The following MYO16 variants were observed in gnomAD, a reference collection of about 807,000 sequenced individuals.
MYO16 encodes the protein unconventional myosin-XVI.
Under a neutral mutation model 205.3 loss-of-function variants are expected in MYO16, and 94 were observed. The ratio of observed to expected loss-of-function variants is 0.46; its 90% CI spans 0.39 to 0.54. The LOEUF is 0.54. Among genes scored for constraint, MYO16 ranks in the 20% least tolerant of loss-of-function variants. The pLI is 0.00. For missense variants in MYO16, 2,315 were observed against 2,387.5 expected (o/e 0.97, Z 0.63); for synonymous variants, 988 against 954.0 (o/e 1.04, Z -0.66).
the MYO16 span, among the ~76,000 whole-genome samples, chr13:108,577,985 C>T: frequency 1.3e-5 from 2 of 152,042 alleles, no homozygotes; most frequent in Non-Finnish European, 1.5e-5. Flanking sequence ...CCCTTTACTA[C>T]GCAAGTATAT....
chr13:108,560,003 A>G, the MYO16 span, among the ~76,000 whole-genome samples: 1 of 152,140 alleles, frequency 6.6e-6, no homozygotes, highest in Non-Finnish European at 1.5e-5. Flanking sequence ...AGCCCCTCTA[A>G]CACCCTTCCT....
intron 20 of MYO16, among the ~76,000 whole-genome samples, chr13:108,972,622 TA>T (rs1041235807): frequency 6.6e-6 from 1 of 150,928 alleles, no homozygotes; most frequent in African/African-American, 2.4e-5. Context: ...CTATTAGAGA[TA>T]GGGGCATTGT....
intron 16 of MYO16, among the ~76,000 whole-genome samples, chr13:108,953,952 CA>C (rs1019811644): frequency 3.9e-5 from 6 of 152,184 alleles, no homozygotes; most frequent in Non-Finnish European, 8.8e-5. Flanking sequence ...TGCCATCAGG[CA>C]AACTGCCCTT....
At chr13:108,951,453 A>G (rs1369028031) in intron 16 of MYO16, among the ~76,000 whole-genome samples, 1 of 152,156 alleles carries the variant, frequency 6.6e-6, no homozygotes, top group East Asian at 1.9e-4. Flanking sequence ...GGTTGGCTGG[A>G]CGCCTTCCCC....
At chr13:108,704,086 C>T (rs967576907) in intron 2 of MYO16, among the ~76,000 whole-genome samples, 1 of 152,124 alleles carries the variant, frequency 6.6e-6, no homozygotes, top group Non-Finnish European at 1.5e-5. Context: ...AATCAAACTG[C>T]CAACACCTTG....
intron 5 of MYO16, among the ~76,000 whole-genome samples, chr13:108,791,778 A>C (rs1311081625): frequency 6.6e-6 from 1 of 152,224 alleles, no homozygotes; most frequent in Admixed American, 6.5e-5. Flanking sequence ...ATGAACTATT[A>C]TCTGAGGGAC....
At chr13:109,205,232 C>CTCCAGAG (rs1880550497) in intron 34 of MYO16, among the ~76,000 whole-genome samples, 1 of 152,120 alleles carries the variant, frequency 6.6e-6, no homozygotes, top group Admixed American at 6.5e-5. Flanking sequence ...AGCTCCAGAA[C>CTCCAGAG]TCTAGTTACA....
In MYO16 at chr13:109,179,610, C is replaced by T. The variant is rs539288503; in HGVS notation, c.5392C>T (p.His1798Tyr). The T allele has an allele frequency of 1.9e-6, 3 of 1,613,518 alleles. No homozygotes were observed. In the East Asian group the frequency reaches 6.7e-5, roughly 36 times the overall value. The part of the protein sequence containing the change: ...SGTGTSTFQR[H>Y]RDSHTTQVIH... The stretch of plus-strand genomic sequence containing the variant: ...CACAGGGACTTCGACATTTCAAAGA[C>T]ACAGGGACAGTCACACCACTCAGGT... Residue 1798 changes from histidine to tyrosine, a missense_variant, in exon 34 of 35, where the codon CAC (histidine) becomes TAC (tyrosine). Physicochemically the swap from His to Tyr is moderately conservative, Grantham distance 83. Coordinates refer to ENST00000457511, the MANE Select transcript of MYO16 (RefSeq NM_001198950.3).
intron 32 of MYO16, among the ~76,000 whole-genome samples, chr13:109,144,068 G>A (rs1566530551): frequency 6.6e-6 from 1 of 151,080 alleles, no homozygotes; most frequent in South Asian, 2.1e-4. Flanking sequence ...TTGTTGGAGG[G>A]CAATGGCACA....
chr13:108,708,695 TGGTG>T (rs1883608296), intron 2 of MYO16, among the ~76,000 whole-genome samples: 1 of 152,232 alleles, frequency 6.6e-6, no homozygotes, highest in African/African-American at 2.4e-5. Flanking sequence ...AGAGCCACTG[TGGTG>T]GAGATTGTGT....
chr13:108,739,172 G>A (rs1481745512), intron 4 of MYO16, among the ~76,000 whole-genome samples: 3 of 152,082 alleles, frequency 2.0e-5, no homozygotes, highest in South Asian at 2.1e-4. Flanking sequence ...ATTTGATCCT[G>A]TCATTATGAT....
chr13:108,921,801 G>A (rs1364471439), intron 16 of MYO16, among the ~76,000 whole-genome samples: 3 of 152,192 alleles, frequency 2.0e-5, no homozygotes, highest in African/African-American at 7.2e-5. Context: ...CATCTCCCTG[G>A]CTGGGGGGTT....
chr13:108,985,291 G>GC (rs767208129), intron 20 of MYO16, among the ~76,000 whole-genome samples: 9 of 152,164 alleles, frequency 5.9e-5, no homozygotes, highest in Admixed American at 1.3e-4. Context: ...TAATTGACGT[G>GC]CATGGTCAGG....
upstream of MYO16, among the ~76,000 whole-genome samples, chr13:108,628,460 A>G (rs1327930540): frequency 2.0e-5 from 3 of 152,190 alleles, no homozygotes; most frequent in Admixed American, 2.0e-4. Flanking sequence ...CAGAATAAAG[A>G]TTAGGAATTA....
rs79258346 is a variant in MYO16, at chr13:108,940,003, A to G, written c.1926-17685A>G. ...AATATTTCTTGGTAAACAGAACAAC[A>G]TGCAATAATGACTGATTATTTTTCT... On this transcript the variant is annotated intron_variant, in intron 16 of 34. Transcript: ENST00000457511. Among the ~76,000 whole-genome samples the G allele has an allele frequency of 9.0e-3, 1,377 of 152,306 alleles. 29 individuals carry two copies. Among genetic ancestry groups the G allele is most frequent in the African/African-American group, 0.032 (1,323 of 41,554 alleles).
At chr13:108,925,490 G>A (rs1474260746) in intron 16 of MYO16, among the ~76,000 whole-genome samples, 2 of 151,030 alleles carry the variant, frequency 1.3e-5, no homozygotes, top group Non-Finnish European at 3.0e-5. Flanking sequence ...ATTAAATAGT[G>A]GTAGTATAAT....
intron 33 of MYO16, chr13:109,166,985 G>A (rs1878695269): frequency 6.6e-6 from 1 of 152,214 alleles, no homozygotes. Flanking sequence ...CTTGAGACTT[G>A]AGTGAAGGCT....
intron 33 of MYO16, among the ~76,000 whole-genome samples, chr13:109,176,857 C>T (rs753761851): frequency 4.7e-4 from 72 of 151,996 alleles, no homozygotes; most frequent in Non-Finnish European, 7.6e-4. Context: ...GACCACCTGC[C>T]CAAGCTGCCA....
rs559817159 is a variant in MYO16, at chr13:109,129,110, A to G, written c.4051+1560A>G. ...TTTTAGCATTTTTTAAGAATACAAT[A>G]TATTGTCATTAACTATTGTCACCAT... On this transcript the variant is annotated intron_variant, in intron 31 of 34. Transcript: ENST00000457511. Among the ~76,000 whole-genome samples the G allele has an allele frequency of 1.4e-3, 211 of 149,872 alleles. 1 individual carries two copies. Among genetic ancestry groups the G allele is most frequent in the African/African-American group, 4.9e-3 (198 of 40,564 alleles).
Sources: gnomAD v4.1 joint callset for allele counts (sites outside exome capture counted in the v4.1 genomes callset) on GRCh38, gnomAD v4.1.1 for gene constraint, MANE v1.5 for transcripts, NCBI Gene and HGNC (gene_info 2026-07-23, HGNC 2026-07-21) for gene names.